PIAS1: variants seen among roughly 807,000 people sequenced by gnomAD.
PIAS1 encodes E3 SUMO-protein ligase PIAS1.
PIAS1 carries 6 observed loss-of-function variants against 71.3 expected under a neutral mutation model. The ratio of observed to expected loss-of-function variants is 0.08; its 90% CI spans 0.05 to 0.17. The LOEUF (loss-of-function observed/expected upper bound fraction) is 0.17, where lower values mean the gene tolerates loss of function less well. Ranked by LOEUF, PIAS1 falls within the 10% of genes least tolerant of loss-of-function variation. The pLI is 1.00. For synonymous variants in PIAS1, 303 were observed against 292.9 expected (o/e 1.03, Z -0.35); for missense variants, 555 against 793.6 (o/e 0.70, Z 3.61).
intron 2 of PIAS1, among the ~76,000 whole-genome samples, chr15:68,112,117 A>G (rs987766977): frequency 2.0e-5 from 3 of 152,098 alleles, no homozygotes; most frequent in Non-Finnish European, 4.4e-5. Context: ...ATGTGCCTAC[A>G]TCTCTGTCCG....
At chr15:68,105,221 A>G (rs115544736) in intron 2 of PIAS1, among the ~76,000 whole-genome samples, 178 of 152,270 alleles carry the variant, frequency 1.2e-3, no homozygotes, top group African/African-American at 4.0e-3. Context: ...ATATATTACT[A>G]TTTACCAGAT....
intron 1 of PIAS1, among the ~76,000 whole-genome samples, chr15:68,065,736 CTTTTTTTTTTTT>C (rs35947814): frequency 3.0e-5 from 3 of 99,572 alleles, no homozygotes; most frequent in African/African-American, 1.2e-4. Context: ...GCTTGAAGTA[CTTTTTTTTTTTT>C]TTTTTTTTTG....
intron 8 of PIAS1, among the ~76,000 whole-genome samples, chr15:68,166,805 C>T (rs1373166758): frequency 1.3e-5 from 2 of 152,128 alleles, no homozygotes; most frequent in African/African-American, 4.8e-5. Context: ...AACTATTAAT[C>T]ACATTTTGCT....
chr15:68,102,946 G>A (rs1267729478), intron 2 of PIAS1, among the ~76,000 whole-genome samples: 7 of 147,530 alleles, frequency 4.7e-5, no homozygotes, highest in African/African-American at 1.7e-4. Context: ...TTTTTTTTTT[G>A]AGACAGGGTC....
intron 2 of PIAS1, among the ~76,000 whole-genome samples, chr15:68,089,804 C>T (rs1323933343): frequency 6.6e-6 from 1 of 152,184 alleles, no homozygotes; most frequent in East Asian, 1.9e-4. Flanking sequence ...GATCCGCCCA[C>T]CTCGGCCTCC....
At chr15:68,131,929 G>T (rs141533645) in intron 2 of PIAS1, among the ~76,000 whole-genome samples, 21 of 151,444 alleles carry the variant, frequency 1.4e-4, no homozygotes, top group African/African-American at 5.1e-4. Flanking sequence ...TAGGCTGGGC[G>T]TGGTGGCTCA....
chr15:68,185,790 C>G lies in PIAS1; in HGVS notation c.1663-1752C>G, dbSNP rs547159828. 1.3e-5 allele frequency among the ~76,000 whole-genome samples: 2 copies of G among 151,964 alleles called. No individual in the cohort carries two copies. Among genetic ancestry groups the G allele is most frequent in the Non-Finnish European group, 2.9e-5 (2 of 68,000 alleles). On this transcript the variant is annotated intron_variant, in intron 13 of 13. Transcript: ENST00000249636. This position sits in a 1 kb window ranked among gnomAD's most constrained non-coding sequence, Gnocchi z 4.4. ...CAGCCTGACCAACATGGTGAAACCC[C>G]GTCTCTACTAAAAATACAAAAATTA... is the stretch of plus-strand genomic sequence containing the variant.
Position 68,142,046 on chromosome 15 carries a change from G to A in PIAS1, c.554+16G>A, listed in dbSNP as rs1429755909. The A allele has an allele frequency of 6.4e-7, 1 of 1,557,988 alleles. No homozygotes were observed. On this transcript the variant is annotated intron_variant, in intron 3 of 13. Transcript: ENST00000249636. Reference sequence around the variant, plus strand: ...GTAGTTCCATGTAAGTTGTCGTCAAGTGTAACTTGAAGTTTGACCTTTGAA... The same window carrying A: ...GTAGTTCCATGTAAGTTGTCGTCAAATGTAACTTGAAGTTTGACCTTTGAA...
chr15:68,095,269 G>C (rs1011468336), intron 2 of PIAS1, among the ~76,000 whole-genome samples: 5 of 152,016 alleles, frequency 3.3e-5, no homozygotes, highest in African/African-American at 1.2e-4. Context: ...TTGAAATGCA[G>C]CATTTCAGAA....
chr15:68,080,568 A>G (rs1312422591), intron 1 of PIAS1, among the ~76,000 whole-genome samples: 2 of 152,244 alleles, frequency 1.3e-5, no homozygotes, highest in Non-Finnish European at 2.9e-5. Flanking sequence ...GGCATTGTTG[A>G]CAGATTGCTA....
At chr15:68,182,296 CAT>C (rs10531076) in intron 12 of PIAS1, among the ~76,000 whole-genome samples, 56,018 of 151,740 alleles carry the variant, frequency 0.37, 12,495 homozygotes, top group East Asian at 0.79. Flanking sequence ...GAATATTAGT[CAT>C]ATAATCTAAG....
chr15:68,158,663 G>GA (rs914187217), intron 7 of PIAS1, among the ~76,000 whole-genome samples: 3 of 152,010 alleles, frequency 2.0e-5, no homozygotes, highest in Non-Finnish European at 2.9e-5. Flanking sequence ...GACAGCTACA[G>GA]AAAAAAATCA....
chr15:68,132,192 GT>G (rs2092692704), intron 2 of PIAS1, among the ~76,000 whole-genome samples: 1 of 151,390 alleles, frequency 6.6e-6, no homozygotes, highest in African/African-American at 2.4e-5. Context: ...AAAAACTACA[GT>G]GTTGGCCGGG....
intron 6 of PIAS1, among the ~76,000 whole-genome samples, chr15:68,152,228 C>T (rs538501564): frequency 6.6e-6 from 1 of 152,222 alleles, no homozygotes; most frequent in African/African-American, 2.4e-5. Flanking sequence ...GGATTACAGT[C>T]ATGAGCCCCT....
chr15:68,173,656 G>C lies in PIAS1; in HGVS notation c.1009-76G>C. ...TTAAATCAGCATGCCTACCTGTTGT[G>C]TTCTAGGAAATTTTTGTCAAAGCTT... On this transcript the variant is annotated intron_variant, in intron 8 of 13. Coordinates refer to ENST00000249636, the MANE Select transcript of PIAS1 (RefSeq NM_016166.3). The surrounding 1 kb of genome is among the most constrained non-coding windows in gnomAD (Gnocchi z 4.3). 9.3e-7 allele frequency: 1 copy of C among 1,077,184 alleles called. No individual in the cohort carries two copies. Among genetic ancestry groups the C allele is most frequent in the Non-Finnish European group, 1.3e-6 (1 of 777,198 alleles). The allele number at this position is 1,077,184 out of a possible 1,614,324, so 66.7% of individuals were successfully genotyped here.
intron 2 of PIAS1, among the ~76,000 whole-genome samples, chr15:68,140,383 C>A (rs1427663282): frequency 6.6e-6 from 1 of 152,144 alleles, no homozygotes; most frequent in Non-Finnish European, 1.5e-5. Flanking sequence ...GATACATCCT[C>A]TAAGAAGCAA....
In PIAS1 at chr15:68,188,122, G is replaced by T; in HGVS notation, c.*287G>T. 1 of 214,256 alleles carries T rather than the reference G, an allele frequency of 4.7e-6. No individual in the cohort carries two copies. The highest frequency in any genetic ancestry group is 9.3e-6 in the Non-Finnish European group (1 of 107,448). 13.3% of individuals were successfully genotyped at this position (214,256 alleles called of 1,614,324 possible). On this transcript the variant is annotated 3_prime_UTR_variant, in exon 14 of 14. Transcript: ENST00000249636. ...AACAAGCACCCACAAACCACCTTCA[G>T]TTCATTTTTTTCTGGATTCTGAAGA...
At chr15:68,182,518 G>T (rs1026395648) in intron 12 of PIAS1, among the ~76,000 whole-genome samples, 134 of 11,376 alleles carry the variant, frequency 0.012, no homozygotes, top group Middle Eastern at 0.05. Flanking sequence ...TGTGTGTGTC[G>T]GAGTTTTGCT....
At chr15:68,072,293 G>T (rs531832565) in intron 1 of PIAS1, among the ~76,000 whole-genome samples, 1 of 150,832 alleles carries the variant, frequency 6.6e-6, no homozygotes, top group African/African-American at 2.4e-5. Context: ...CCAGCTACTC[G>T]GGAGTCTGAG....
Sources: gnomAD v4.1 joint callset for allele counts (sites outside exome capture counted in the v4.1 genomes callset) on GRCh38, gnomAD v4.1.1 for gene constraint, Gnocchi (gnomAD v3.1) non-coding constraint, MANE v1.5 for transcripts, NCBI Gene and HGNC (gene_info 2026-07-23, HGNC 2026-07-21) for gene names.